SLAIN1: variants seen among roughly 807,000 people sequenced by gnomAD.
The protein encoded by SLAIN1 is SLAIN motif-containing protein 1.
Under a neutral mutation model 55.4 loss-of-function variants are expected in SLAIN1, and 17 were observed. The ratio of observed to expected loss-of-function variants is 0.31; its 90% confidence interval spans 0.21 to 0.46. The LOEUF (loss-of-function observed/expected upper bound fraction) is 0.46. Among genes scored for constraint, SLAIN1 ranks in the 20% least tolerant of loss-of-function variants. The probability of loss-of-function intolerance (pLI) is 1.00; values close to 1 mark genes in which losing one functional copy is unlikely to be tolerated. For synonymous variants in SLAIN1, 348 were observed against 337.4 expected (o/e 1.03, Z -0.35); for missense variants, 682 against 785.1 (o/e 0.87, Z 1.57).
chr13:77,720,072 T>C (rs1010419572), intron 2 of SLAIN1, among the ~76,000 whole-genome samples: 2 of 152,154 alleles, frequency 1.3e-5, no homozygotes, highest in Non-Finnish European at 2.9e-5. Flanking sequence ...TGAGTGTCTT[T>C]AACATTTAGT....
At chr13:77,711,451 A>G (rs1369647523) in intron 1 of SLAIN1, among the ~76,000 whole-genome samples, 1 of 146,314 alleles carries the variant, frequency 6.8e-6, no homozygotes, top group Non-Finnish European at 1.5e-5. Context: ...AAATACCTCT[A>G]TGAAAATAAA....
At chr13:77,738,455 A>G in intron 2 of SLAIN1, among the ~76,000 whole-genome samples, 1 of 152,040 alleles carries the variant, frequency 6.6e-6, no homozygotes. Context: ...AATTTTAGTG[A>G]AACAGACCTA....
At chr13:77,730,802 T>C (rs1161708633) in intron 2 of SLAIN1, among the ~76,000 whole-genome samples, 4 of 152,222 alleles carry the variant, frequency 2.6e-5, no homozygotes, top group African/African-American at 9.6e-5. Flanking sequence ...ATGCTCAGTC[T>C]GGTCTTCCAT....
Position 77,722,042 on chromosome 13 carries a change from T to G in SLAIN1, c.766+2371T>G, listed in dbSNP as rs147151915. Among the ~76,000 whole-genome samples the G allele has an allele frequency of 3.1e-3, 471 of 151,256 alleles. 4 individuals carry two copies. In the South Asian group the frequency reaches 0.038, roughly 12 times the overall value. On this transcript the variant is annotated intron_variant, in intron 2 of 6. Coordinates refer to ENST00000418532, the MANE Select transcript of SLAIN1 (RefSeq NM_001242868.2). ...AGTAATCCTAATTGGTGGTTGCTAT[T>G]GAGATATTAGACTAAGTGCTTCATT...
At chr13:77,703,889 TTATATA>T (rs573032530) in intron 1 of SLAIN1, among the ~76,000 whole-genome samples, 5 of 132,648 alleles carry the variant, frequency 3.8e-5, no homozygotes, top group Non-Finnish European at 8.0e-5. Context: ...AAAAAAAAAA[TTATATA>T]TATATATATA....
At chr13:77,737,424 T>A (rs891508624) in intron 2 of SLAIN1, among the ~76,000 whole-genome samples, 1 of 152,150 alleles carries the variant, frequency 6.6e-6, no homozygotes, top group African/African-American at 2.4e-5. Flanking sequence ...TCTGATTATG[T>A]CTTTCACCTT....
chr13:77,738,640 T>A (rs1287853849), intron 2 of SLAIN1, among the ~76,000 whole-genome samples: 3 of 152,110 alleles, frequency 2.0e-5, no homozygotes, highest in African/African-American at 7.2e-5. Context: ...CTGCATGTTC[T>A]CACTTATAAG....
intron 1 of SLAIN1, among the ~76,000 whole-genome samples, chr13:77,714,848 T>C (rs1328363431): frequency 6.6e-6 from 1 of 152,110 alleles, no homozygotes; most frequent in Non-Finnish European, 1.5e-5. Context: ...TCCCTCCTGA[T>C]CCTTGCTACC....
At chr13:77,735,979 A>T (rs1873097769) in intron 2 of SLAIN1, among the ~76,000 whole-genome samples, 1 of 152,026 alleles carries the variant, frequency 6.6e-6, no homozygotes, top group Non-Finnish European at 1.5e-5. Context: ...TTTGACAACA[A>T]TATGACTCTC....
chr13:77,705,433 TAA>T (rs1432232134), intron 1 of SLAIN1, among the ~76,000 whole-genome samples: 2 of 151,920 alleles, frequency 1.3e-5, no homozygotes, highest in Non-Finnish European at 2.9e-5. Flanking sequence ...AAATTTAGAT[TAA>T]GACTTTTCAG....
chr13:77,724,491 A>G (rs1381011377), intron 2 of SLAIN1, among the ~76,000 whole-genome samples: 1 of 152,154 alleles, frequency 6.6e-6, no homozygotes, highest in African/African-American at 2.4e-5. Flanking sequence ...CTATGGCTTT[A>G]TAAGAGTTTG....
chr13:77,753,792 T>A (rs898682798), intron 5 of SLAIN1, among the ~76,000 whole-genome samples: 1 of 152,186 alleles, frequency 6.6e-6, no homozygotes, highest in Non-Finnish European at 1.5e-5. Flanking sequence ...CTTAATTCTG[T>A]TTAGCCGTTC....
At chr13:77,740,284 A>G (rs1144379) in intron 2 of SLAIN1, among the ~76,000 whole-genome samples, 47,125 of 151,874 alleles carry the variant, frequency 0.31, 7,517 homozygotes, top group African/African-American at 0.36. Flanking sequence ...GTTGAAGAGC[A>G]GGTTGCAGTA....
intron 1 of SLAIN1, among the ~76,000 whole-genome samples, chr13:77,699,407 C>T (rs1376188801): frequency 2.0e-5 from 3 of 152,182 alleles, no homozygotes; most frequent in Non-Finnish European, 2.9e-5. Context: ...ATTCAGTTGA[C>T]ATCTGGTTAG....
At chr13:77,740,531 C>A (rs964354216) in intron 2 of SLAIN1, among the ~76,000 whole-genome samples, 1 of 98,202 alleles carries the variant, frequency 1.0e-5, no homozygotes, top group African/African-American at 4.9e-5. Flanking sequence ...GCGAACCGCC[C>A]CCCCCCCCTT....
chr13:77,700,631 T>C (rs1178892881), intron 1 of SLAIN1, among the ~76,000 whole-genome samples: 1 of 152,208 alleles, frequency 6.6e-6, no homozygotes, highest in Admixed American at 6.5e-5. Context: ...TTTAACCCAC[T>C]TGTTAATGCT....
intron 2 of SLAIN1, among the ~76,000 whole-genome samples, chr13:77,723,176 G>A (rs951496325): frequency 1.2e-4 from 19 of 152,114 alleles, no homozygotes; most frequent in East Asian, 3.9e-4. Flanking sequence ...TGAACCATCC[G>A]CAGTATGAGA....
At chr13:77,720,903 G>A (rs2091255419) in intron 2 of SLAIN1, among the ~76,000 whole-genome samples, 1 of 152,196 alleles carries the variant, frequency 6.6e-6, no homozygotes, top group Non-Finnish European at 1.5e-5. Flanking sequence ...ATAATGGAAA[G>A]TTGAAGAGCA....
At chr13:77,747,727 G>C (rs1302664410) in intron 4 of SLAIN1, among the ~76,000 whole-genome samples, 5 of 152,142 alleles carry the variant, frequency 3.3e-5, no homozygotes. Flanking sequence ...GAACATGGAG[G>C]TTGCTTTCCA....
Sources: allele counts gnomAD v4.1 joint callset (sites outside exome capture counted in the v4.1 genomes callset), GRCh38; gene constraint gnomAD v4.1.1; transcripts MANE v1.5; gene names NCBI Gene and HGNC (gene_info 2026-07-23, HGNC 2026-07-21).